DACT3: variants seen among roughly 807,000 people sequenced by gnomAD.
The protein encoded by DACT3 is dapper homolog 3.
Under a neutral mutation model 19.6 loss-of-function variants are expected in DACT3, and 5 were observed. The observed-to-expected ratio is 0.26, with a 90% CI of 0.13 to 0.54. DACT3 has a LOEUF of 0.54. Ranked by LOEUF, DACT3 falls within the 20% of genes least tolerant of loss-of-function variation. DACT3 has a pLI of 0.95. For synonymous variants in DACT3, 454 were observed against 428.1 expected, an observed-to-expected ratio of 1.06 and a Z score of -0.75; for missense variants, 908 against 927.4, an observed-to-expected ratio of 0.98 and a Z score of 0.27.
In DACT3 at chr19:46,648,649, A is replaced by C; in HGVS notation, c.1723T>G (p.Trp575Gly). 1 of 1,612,512 alleles carries C rather than the reference A, an allele frequency of 6.2e-7. No homozygotes were observed. The highest frequency in any genetic ancestry group is 8.5e-7 in the Non-Finnish European group (1 of 1,179,458). The change falls in exon 4 of 4, where the codon TGG becomes GGG. Residue 575 changes from tryptophan to glycine, a missense_variant. By Grantham distance (184) the Trp-to-Gly change is radical. Around this residue, in one of 2 missense-constraint regions of DACT3, gnomAD observed 656 missense variants for 601.8 expected, o/e 1.09. Transcript: ENST00000391916. The surrounding 1 kb of genome is among the most constrained non-coding windows in gnomAD (Gnocchi z 5.1). ...SDSDGSGGLV[W>G]PQQLVAATAA... ...GTGGCCGCCACCAGCTGCTGCGGCC[A>C]CACGAGGCCACCGCTGCCGTCTGAG...
rs1315246503 is a variant in DACT3 at position 46,660,745 on chromosome 19, G to A, written c.249+71C>T. On this transcript the variant is annotated intron_variant, in intron 1 of 3. Coordinates refer to ENST00000391916, the MANE Select transcript of DACT3 (RefSeq NM_145056.3). The surrounding 1 kb of genome is among the most constrained non-coding windows in gnomAD (Gnocchi z 4.9). ...CCCGGGTCCCCAACCCCCGCCCGGT[G>A]TCTGAGCATCCAACCGAGACAGACA... 2.1e-6 allele frequency: 3 copies of A among 1,403,756 alleles called. No individual in the cohort carries two copies. The highest frequency in any genetic ancestry group is 2.8e-6 in the Non-Finnish European group (3 of 1,082,326). 87.0% of individuals were successfully genotyped at this position (1,403,756 alleles called of 1,614,324 possible). A position where few individuals can be genotyped will look rare whatever the true frequency, so the allele number is the denominator to read the frequency against.
chr19:46,655,732 C>T (rs1294852970), intron 1 of DACT3, among the ~76,000 whole-genome samples: 3 of 152,116 alleles, frequency 2.0e-5, no homozygotes, highest in Admixed American at 6.6e-5. Context: ...GGTGCACCCC[C>T]ACCCAGTGCC....
Position 46,653,009 on chromosome 19 carries a change from C to A in DACT3, c.316G>T (p.Gly106Cys). ...QLGDLSLESG[G>C]LEQESGRSSG... ...CTACGCCCGCTCTCCTGTTCCAGGC[C>A]CCCAGACTCCAGGCTCAGGTCTCCC... The change falls in exon 2 of 4, where the codon GGC becomes TGC. Residue 106 changes from glycine to cysteine, a missense_variant. This residue lies in a region of DACT3 where 252 missense variants were observed against 325.6 expected (regional missense o/e 0.77). Transcript: ENST00000391916. 1 of 1,551,524 alleles carries A rather than the reference C, an allele frequency of 6.4e-7. No homozygotes were observed. Among genetic ancestry groups the A allele is most frequent in the South Asian group, 1.2e-5 (1 of 84,062 alleles).
chr19:46,657,822 C>T (rs1336818895), intron 1 of DACT3, among the ~76,000 whole-genome samples: 7 of 151,898 alleles, frequency 4.6e-5, no homozygotes, highest in African/African-American at 7.3e-5. Context: ...GAGACCGAGG[C>T]GGGAGGATCA....
chr19:46,659,728 G>A (rs2053060408), intron 1 of DACT3, among the ~76,000 whole-genome samples: 1 of 151,940 alleles, frequency 6.6e-6, no homozygotes, highest in African/African-American at 2.4e-5. Flanking sequence ...CTCGGCTCAG[G>A]TTTCCCGAAA....
Position 46,649,436 on chromosome 19 carries a change from GC to G in DACT3, c.935del (p.Gly312AlafsTer9), listed in dbSNP as rs1323152884. The G allele has an allele frequency of 5.6e-6, 7 of 1,239,552 alleles. No homozygotes were observed. The highest frequency in any genetic ancestry group is 7.6e-5 in the Admixed American group (2 of 26,180). 76.8% of individuals were successfully genotyped at this position (1,239,552 alleles called of 1,614,324 possible). A position where few individuals can be genotyped will look rare whatever the true frequency, so the allele number is the denominator to read the frequency against. On this transcript the variant is annotated frameshift_variant, in exon 4 of 4. Coordinates refer to ENST00000391916, the MANE Select transcript of DACT3 (RefSeq NM_145056.3). LOFTEE classifies it low-confidence loss of function (END_TRUNC). ...TCAAGGCGGCAGGGCTGGTGGGGTGGCCCCCGACGCGCTCCAACGAGGGCTC... is the reference window on the plus strand; with the variant it reads ...TCAAGGCGGCAGGGCTGGTGGGGTGGCCCCGACGCGCTCCAACGAGGGCTC... ...AREPSLERVGGHPTSPAALSR... is the reference protein window; with the variant it reads ...AREPSLERVGXHPTSPAALSR...
At chr19:46,657,446 C>T (rs1046739583) in intron 1 of DACT3, among the ~76,000 whole-genome samples, 2 of 148,928 alleles carry the variant, frequency 1.3e-5, no homozygotes, top group African/African-American at 2.5e-5. Flanking sequence ...CTCCGCCTCC[C>T]GGGTTCACGC....
chr19:46,649,349 G>A lies in DACT3; in HGVS notation c.1023C>T (p.Ala341=). 2 of 1,245,284 alleles carry A rather than the reference G, an allele frequency of 1.6e-6. No homozygotes were observed. The highest frequency in any genetic ancestry group is 2.0e-6 in the Non-Finnish European group (2 of 992,194). The allele number at this position is 1,245,284 out of a possible 1,614,324, so 77.1% of individuals were successfully genotyped here. The change falls in exon 4 of 4, where the codon GCC becomes GCT. Residue 341 remains alanine (A), a synonymous_variant. Transcript: ENST00000391916. The stretch of plus-strand genomic sequence containing the variant: ...CCGGGCTGTCGGGGGGTGAGGGGGC[G>A]GCGGGCGGCGCAGCGGGCTCGGGTG... ...EAAPEPAAPP[A]APSPPDSPAE...
At position 46,649,168 on chromosome 19, in the gene DACT3, G is replaced by A. The variant is rs2052952245; in HGVS notation, c.1204C>T (p.Arg402Cys). The A allele has an allele frequency of 1.3e-5, 16 of 1,221,894 alleles. No homozygotes were observed. The highest frequency in any genetic ancestry group is 3.6e-5 in the East Asian group (1 of 27,858). 75.7% of individuals were successfully genotyped at this position (1,221,894 alleles called of 1,614,324 possible). A position where few individuals can be genotyped will look rare whatever the true frequency, so the allele number is the denominator to read the frequency against. The stretch of plus-strand genomic sequence containing the variant: ...GAAGCCTCGGCCATGCGTCCACGGC[G>A]GCCGGCGGCCCGGGGACGCTCCCGG... ...PPRERPRAAG[R>C]RGRMAEASGR... The change falls in exon 4 of 4, where the codon CGC becomes TGC. Residue 402 changes from arginine to cysteine, a missense_variant. Physicochemically the swap from Arg to Cys is radical, Grantham distance 180. Coordinates refer to ENST00000391916, the MANE Select transcript of DACT3 (RefSeq NM_145056.3).
Position 46,655,901 on chromosome 19 carries a change from G to GTCTCTCTCTCTCTCTC in DACT3, c.250-2842_250-2827dup, listed in dbSNP as rs140521907. On this transcript the variant is annotated intron_variant, in intron 1 of 3. Transcript: ENST00000391916. ...AGCCTAGGCGACATAGTGAGACCCA[G>GTCTCTCTCTCTCTCTC]TCTCTCTCTCTCTCTCTCTCTCTCT... Among the ~76,000 whole-genome samples, 112 of 131,838 alleles carry GTCTCTCTCTCTCTCTC rather than the reference G, an allele frequency of 8.5e-4. No individual in the cohort carries two copies. In the South Asian group the frequency reaches 0.011, roughly 13 times the overall value. 86.5% of individuals were successfully genotyped at this position (131,838 alleles called of 152,430 possible).
At chr19:46,651,270 ACGGGG>A (rs2052981919) in intron 3 of DACT3, 1 of 151,774 alleles carries the variant, frequency 6.6e-6, no homozygotes, top group Admixed American at 6.6e-5. Flanking sequence ...TTTTGTAGAG[ACGGGG>A]TTTCACCATG....
Position 46,648,627 on chromosome 19 carries a change from G to A in DACT3, c.1745C>T (p.Ala582Val), listed in dbSNP as rs1213116088. The A allele has an allele frequency of 6.2e-7, 1 of 1,612,494 alleles. No individual in the cohort carries two copies. Among genetic ancestry groups the A allele is most frequent in the Non-Finnish European group, 8.5e-7 (1 of 1,179,524 alleles). ...TGCTCCACCCCCAGAGGCCGCGGTG[G>A]CCGCCACCAGCTGCTGCGGCCACAC... is the stretch of plus-strand genomic sequence containing the variant. ...GLVWPQQLVAATAASGGGAGA... is the reference protein window; with the variant it reads ...GLVWPQQLVAVTAASGGGAGA... Residue 582 changes from alanine to valine, a missense_variant, in exon 4 of 4, where the codon GCC (alanine) becomes GTC (valine). Ala to Val is a moderately conservative substitution (Grantham distance 64, BLOSUM62 0). Coordinates refer to ENST00000391916, the MANE Select transcript of DACT3 (RefSeq NM_145056.3). The surrounding 1 kb of genome is among the most constrained non-coding windows in gnomAD (Gnocchi z 5.1).
chr19:46,656,553 T>C (rs2053035751), intron 1 of DACT3, among the ~76,000 whole-genome samples: 1 of 152,124 alleles, frequency 6.6e-6, no homozygotes, highest in Non-Finnish European at 1.5e-5. Flanking sequence ...TCTCCCTGTG[T>C]TGCATAGGCT....
At chr19:46,649,926 A>T in intron 3 of DACT3, 54 bp from the exon 4 acceptor site, 1 of 1,316,112 alleles carries the variant, frequency 7.6e-7, no homozygotes, top group South Asian at 1.8e-5. Context: ...GGGGCTCTCA[A>T]AGTCCTTTCC....
chr19:46,650,552 G>A (rs1182731687), intron 3 of DACT3: 1 of 152,068 alleles, frequency 6.6e-6, no homozygotes, highest in African/African-American at 2.4e-5. Context: ...TGAACGGCTG[G>A]GACTACAGGA....
intron 1 of DACT3, chr19:46,659,389 G>T: frequency 1.0e-6 from 1 of 972,640 alleles, no homozygotes; most frequent in African/African-American, 1.8e-5. Flanking sequence ...CGAGGGCAGA[G>T]GGGGAGAGGA....
chr19:46,649,289 C>G lies in DACT3; in HGVS notation c.1083G>C (p.Pro361=). The change falls in exon 4 of 4, where the codon CCG becomes CCC. Residue 361 remains proline, a synonymous_variant. Transcript: ENST00000391916. ...EGRLVKAQYI[P]GAQAATRGLP... ...GGCCTCGGGTGGCCGCCTGCGCGCCCGGGATGTACTGCGCCTTCACCAAGC... is the reference window on the plus strand; with the variant it reads ...GGCCTCGGGTGGCCGCCTGCGCGCCGGGGATGTACTGCGCCTTCACCAAGC... 8.2e-7 allele frequency: 1 copy of G among 1,214,470 alleles called. No individual in the cohort carries two copies. Among genetic ancestry groups the G allele is most frequent in the Non-Finnish European group, 1.0e-6 (1 of 976,348 alleles). 75.2% of individuals were successfully genotyped at this position (1,214,470 alleles called of 1,614,324 possible). A position where few individuals can be genotyped will look rare whatever the true frequency, so the allele number is the denominator to read the frequency against.
At chr19:46,654,342 G>A (rs532319424) in intron 1 of DACT3, 14 of 562,030 alleles carry the variant, frequency 2.5e-5, no homozygotes, top group African/African-American at 2.3e-4. Flanking sequence ...AAAAACTAGC[G>A]GGGCGTGGTG....
intron 1 of DACT3, among the ~76,000 whole-genome samples, chr19:46,659,690 C>CG (rs1265501507): frequency 2.6e-5 from 4 of 152,158 alleles, no homozygotes; most frequent in African/African-American, 9.6e-5. Context: ...TCGAGGTCAG[C>CG]GGCGGGGAGA....
Sources: gnomAD v4.1 joint callset for allele counts (sites outside exome capture counted in the v4.1 genomes callset) on GRCh38, gnomAD v4.1.1 for gene constraint, gnomAD v4.1.1 regional missense constraint, Gnocchi (gnomAD v3.1) non-coding constraint, MANE v1.5 for transcripts, NCBI Gene and HGNC (gene_info 2026-07-23, HGNC 2026-07-21) for gene names.